Variants in HSP90AA1 observed in about 807,000 individuals in gnomAD.
The protein encoded by HSP90AA1 is heat shock protein HSP 90-alpha.
A neutral mutation model predicts 73.3 loss-of-function variants in HSP90AA1; 18 were observed. The observed-to-expected ratio is 0.25, with a 90% confidence interval of 0.17 to 0.36. The LOEUF is 0.36. Ranked by LOEUF, HSP90AA1 falls within the 10% of genes least tolerant of loss-of-function variation. The probability of loss-of-function intolerance (pLI) is 1.00; values close to 1 mark genes in which losing one functional copy is unlikely to be tolerated. For synonymous variants in HSP90AA1, 477 were observed against 296.9 expected (o/e 1.61, Z -6.24); for missense variants, 704 against 874.2 (o/e 0.81, Z 2.45).
chr14:102,087,828 C>T (rs990597864), upstream of HSP90AA1, among the ~76,000 whole-genome samples: 2 of 152,018 alleles, frequency 1.3e-5, no homozygotes, highest in African/African-American at 4.8e-5. Flanking sequence ...CATGCTTACC[C>T]AGCTACACCC....
At chr14:102,139,518 G>C (rs2050195275) in exon 1 of HSP90AA1, 8 of 1,096,000 alleles carry the variant, frequency 7.3e-6, no homozygotes, top group Non-Finnish European at 1.0e-5. Context: ...GCGGGAGACC[G>C]CTGAGGAGGC....
At chr14:102,092,124 T>C (rs1595664488) in intron 2 of HSP90AA1, among the ~76,000 whole-genome samples, 1 of 151,900 alleles carries the variant, frequency 6.6e-6, no homozygotes, top group African/African-American at 2.4e-5. Context: ...TGGAGTGCAG[T>C]GTCGCGTGCT....
intron 1 of HSP90AA1, among the ~76,000 whole-genome samples, chr14:102,086,602 A>G (rs1440907914): frequency 6.6e-6 from 1 of 151,772 alleles, no homozygotes; most frequent in Non-Finnish European, 1.5e-5. Flanking sequence ...GCCCGGGCCC[A>G]GTCCCCCGCC....
upstream of HSP90AA1, among the ~76,000 whole-genome samples, chr14:102,091,497 A>C (rs1177185385): frequency 6.6e-6 from 1 of 152,042 alleles, no homozygotes; most frequent in Non-Finnish European, 1.5e-5. Flanking sequence ...GTGGCAGCAC[A>C]CACCTGTAGT....
rs1555364888 is a variant in HSP90AA1 at position 102,136,589 on chromosome 14, AAG to A, written c.155+2659_155+2660del. Reference sequence around the variant, plus strand: ...TCTCAAAAAAAAAAAAAAAAAAAAAAAGAAATACCCGGTTTGGGCCGGGCGCG... The same window carrying A: ...TCTCAAAAAAAAAAAAAAAAAAAAAAAAATACCCGGTTTGGGCCGGGCGCG... On this transcript the variant is annotated intron_variant, in intron 1 of 11. Coordinates refer to the HSP90AA1 transcript ENST00000334701. Among the ~76,000 whole-genome samples the A allele has an allele frequency of 1.0e-4, 11 of 106,466 alleles. No homozygotes were observed. The East Asian group carries it at 1.8e-3, about 18-fold the overall frequency. The allele number at this position is 106,466 out of a possible 152,430, so 69.8% of individuals were successfully genotyped here. A position where few individuals can be genotyped will look rare whatever the true frequency, so the allele number is the denominator to read the frequency against.
chr14:102,081,308 T>C lies in HSP90AA1; in HGVS notation c.*404A>G. The C allele has an allele frequency of 3.3e-6, 1 of 298,976 alleles. No homozygotes were observed. Among genetic ancestry groups the C allele is most frequent in the Admixed American group, 4.7e-5 (1 of 21,456 alleles). 18.5% of individuals were successfully genotyped at this position (298,976 alleles called of 1,614,324 possible). On this transcript the variant is annotated 3_prime_UTR_variant, in exon 11 of 11. Coordinates refer to ENST00000216281, the MANE Select transcript of HSP90AA1 (RefSeq NM_005348.4). ...ATTGTCAACTACAGGGAATGAAAAG[T>C]TCAAAAAGTAGATCCTACAAGATGT... is the stretch of plus-strand genomic sequence containing the variant.
At chr14:102,086,896 G>C in intron 1 of HSP90AA1, 90 bp downstream of exon 1, 1 of 760,598 alleles carries the variant, frequency 1.3e-6, no homozygotes, top group Non-Finnish European at 1.6e-6. Context: ...TCAGGGATCT[G>C]GTCCGGCCCC....
rs34766445 is a variant in HSP90AA1 at position 102,082,032 on chromosome 14, G to C, written c.2089+79C>G. 1.3e-3 allele frequency: 1,388 copies of C among 1,033,062 alleles called. 11 individuals carry two copies. The African/African-American group carries it at 0.02, about 15-fold the overall frequency. The allele number at this position is 1,033,062 out of a possible 1,614,324, so 64.0% of individuals were successfully genotyped here. A position where few individuals can be genotyped will look rare whatever the true frequency, so the allele number is the denominator to read the frequency against. On this transcript the variant is annotated intron_variant, in intron 10 of 10. Coordinates refer to ENST00000216281, the MANE Select transcript of HSP90AA1 (RefSeq NM_005348.4). The stretch of plus-strand genomic sequence containing the variant: ...AAGCAGGACAAGGTGCTCCAAGTTT[G>C]GATAACTGAAAGTTCACCATTTTCT...
At chr14:102,119,890 T>C (rs1256174919) in intron 1 of HSP90AA1, among the ~76,000 whole-genome samples, 1 of 152,198 alleles carries the variant, frequency 6.6e-6, no homozygotes, top group African/African-American at 2.4e-5. Context: ...TAAAGTTGTA[T>C]GCAAAATTTG....
upstream of HSP90AA1, among the ~76,000 whole-genome samples, chr14:102,090,454 C>CT (rs371474412): frequency 0.088 from 10,415 of 118,676 alleles, 464 homozygotes; most frequent in South Asian, 0.2. Context: ...CAACATATTT[C>CT]TTTTTTTTTT....
rs898428615 is a variant in HSP90AA1, at chr14:102,105,790, C to T, written c.156-3705G>A. ...GGAGACAATTAGAAAGCTTTTGAGA[C>T]TGGGCATGGTGGCTAATGCCTGTAA... is the stretch of plus-strand genomic sequence containing the variant. On this transcript the variant is annotated intron_variant, in intron 1 of 11. Transcript: ENST00000334701. Among the ~76,000 whole-genome samples the T allele has an allele frequency of 5.3e-5, 8 of 152,154 alleles. No homozygotes were observed. The East Asian group carries it at 1.3e-3, about 26-fold the overall frequency.
chr14:102,119,492 GT>G (rs1050792925), intron 1 of HSP90AA1, among the ~76,000 whole-genome samples: 1 of 148,016 alleles, frequency 6.8e-6, no homozygotes, highest in African/African-American at 2.5e-5. Flanking sequence ...GTGGTTTGTT[GT>G]TTGTTTGTTT....
chr14:102,134,368 C>T (rs1056842977), intron 1 of HSP90AA1, among the ~76,000 whole-genome samples: 3 of 146,760 alleles, frequency 2.0e-5, no homozygotes, highest in African/African-American at 7.6e-5. Context: ...AAACGTTAGA[C>T]TGGAATGGAG....
chr14:102,081,852 A>G (rs755498205), intron 10 of HSP90AA1, 31 bp from the exon 11 acceptor site: 3 of 1,048,912 alleles, frequency 2.9e-6, no homozygotes, highest in Non-Finnish European at 3.0e-6. Context: ...TCATATTACA[A>G]AGATTTCTTA....
chr14:102,132,613 A>G (rs914645029), intron 1 of HSP90AA1, among the ~76,000 whole-genome samples: 3 of 152,140 alleles, frequency 2.0e-5, no homozygotes, highest in Non-Finnish European at 4.4e-5. Context: ...TCCTACGCTT[A>G]AGTGTGCATA....
Position 102,081,500 on chromosome 14 carries a change from A to T in HSP90AA1, c.*212T>A, listed in dbSNP as rs2049097586. The T allele has an allele frequency of 1.7e-6, 1 of 597,496 alleles. No homozygotes were observed. The highest frequency in any genetic ancestry group is 1.9e-5 in the African/African-American group (1 of 53,806). The allele number at this position is 597,496 out of a possible 1,614,324, so 37.0% of individuals were successfully genotyped here. ...TACCCCAATCTGTGAAAATAAACCAACATGAAACTCAAAAAGCATTACTAG... is the reference window on the plus strand; with the variant it reads ...TACCCCAATCTGTGAAAATAAACCATCATGAAACTCAAAAAGCATTACTAG... On this transcript the variant is annotated 3_prime_UTR_variant, in exon 11 of 11. Transcript: ENST00000216281.
rs35191638 is a variant in HSP90AA1, at chr14:102,102,270, G to A, written c.156-185C>T. On this transcript the variant is annotated intron_variant, in intron 1 of 11. Transcript: ENST00000334701. ...CTGCAGGAAGTTCAACTTGGGAAAT[G>A]GACCAGGGTCCCAGTAAGGAGCTGG... Among the ~76,000 whole-genome samples, 1,491 of 152,274 alleles carry A rather than the reference G, an allele frequency of 9.8e-3. 37 individuals carry two copies. The highest frequency in any genetic ancestry group is 0.034 in the African/African-American group (1,415 of 41,530).
intron 1 of HSP90AA1, among the ~76,000 whole-genome samples, chr14:102,133,177 G>A (rs2049929900): frequency 6.6e-6 from 1 of 151,528 alleles, no homozygotes; most frequent in Non-Finnish European, 1.5e-5. Flanking sequence ...CTACCCAGGA[G>A]GCTGAGGCAG....
upstream of HSP90AA1, among the ~76,000 whole-genome samples, chr14:102,090,591 A>C (rs2049343321): frequency 2.0e-5 from 3 of 151,970 alleles, no homozygotes; most frequent in Admixed American, 6.6e-5. Context: ...CTGGGACTAC[A>C]GGCGCCCGCC....
Sources: gnomAD v4.1 joint callset for allele counts (sites outside exome capture counted in the v4.1 genomes callset) on GRCh38, gnomAD v4.1.1 for gene constraint, MANE v1.5 for transcripts, NCBI Gene and HGNC (gene_info 2026-07-23, HGNC 2026-07-21) for gene names.